Variants in BBX observed in about 807,000 individuals in gnomAD.
BBX encodes BBX high mobility group box domain containing.
Under a neutral mutation model 100.2 loss-of-function variants are expected in BBX, and 30 were observed. That is an observed-to-expected ratio of 0.30 (90% CI 0.22 to 0.41). The LOEUF is 0.41. BBX is among the 10% of genes least tolerant of loss of function. The pLI is 1.00. For missense variants in BBX, 1,023 were observed against 1,129.8 expected (o/e 0.91, Z 1.35); for synonymous variants, 376 against 388.1 (o/e 0.97, Z 0.37).
intron 2 of BBX, among the ~76,000 whole-genome samples, chr3:107,535,585 C>T (rs1440129972): frequency 2.7e-5 from 4 of 146,568 alleles, no homozygotes; most frequent in Non-Finnish European, 6.0e-5. Flanking sequence ...ATCGTTTGTG[C>T]TCTGTTCCTT....
chr3:107,749,199 G>T (rs564090154), intron 9 of BBX, among the ~76,000 whole-genome samples: 37 of 152,250 alleles, frequency 2.4e-4, no homozygotes, highest in African/African-American at 7.9e-4. Context: ...AATAAATTAA[G>T]ATTTTGTTAC....
chr3:107,652,378 A>G (rs1273075220), intron 3 of BBX, among the ~76,000 whole-genome samples: 1 of 151,952 alleles, frequency 6.6e-6, no homozygotes, highest in Admixed American at 6.5e-5. Context: ...TGTAAAATTT[A>G]CCAGTTTTTC....
Position 107,809,768 on chromosome 3 carries a change from A to G in BBX, c.*4311A>G, listed in dbSNP as rs1194518969. The stretch of plus-strand genomic sequence containing the variant: ...GTAGAAATTAAAACTTAGCTTTCCC[A>G]AATAGCTCCTTATTTTGCACCTTAT... On this transcript the variant is annotated 3_prime_UTR_variant, in exon 18 of 18. Transcript: ENST00000325805. The G allele has an allele frequency of 1.3e-5, 2 of 152,226 alleles. No homozygotes were observed. The highest frequency in any genetic ancestry group is 1.9e-4 in the East Asian group (1 of 5,200). 9.4% of individuals were successfully genotyped at this position (152,226 alleles called of 1,614,324 possible). A position where few individuals can be genotyped will look rare whatever the true frequency, so the allele number is the denominator to read the frequency against.
chr3:107,724,999 A>G (rs2062814865), intron 5 of BBX, among the ~76,000 whole-genome samples: 1 of 152,194 alleles, frequency 6.6e-6, no homozygotes, highest in Admixed American at 6.5e-5. Flanking sequence ...TACCTTGGGC[A>G]GTATGGCCAT....
intron 7 of BBX, among the ~76,000 whole-genome samples, chr3:107,738,636 A>G (rs1242541235): frequency 1.3e-5 from 2 of 152,322 alleles, no homozygotes; most frequent in Non-Finnish European, 2.9e-5. Context: ...GACTAGCTTC[A>G]GTCTTCTTGC....
At chr3:107,688,628 G>A (rs1247241877) in intron 3 of BBX, among the ~76,000 whole-genome samples, 1 of 152,138 alleles carries the variant, frequency 6.6e-6, no homozygotes, top group East Asian at 1.9e-4. Flanking sequence ...TAATGATTTG[G>A]ACCACATTTG....
At chr3:107,559,833 C>G (rs1282226535) in intron 2 of BBX, among the ~76,000 whole-genome samples, 2 of 152,122 alleles carry the variant, frequency 1.3e-5, no homozygotes, top group Admixed American at 1.3e-4. Context: ...GCCTCGACCT[C>G]CCAGGCTCAA....
intron 3 of BBX, among the ~76,000 whole-genome samples, chr3:107,673,723 T>C (rs2059139974): frequency 6.6e-6 from 1 of 152,158 alleles, no homozygotes; most frequent in Admixed American, 6.6e-5. Flanking sequence ...GAAATTTCTC[T>C]TATTCTGGAT....
intron 17 of BBX, among the ~76,000 whole-genome samples, chr3:107,804,493 A>G (rs578232339): frequency 1.3e-5 from 2 of 152,312 alleles, no homozygotes; most frequent in East Asian, 3.9e-4. Flanking sequence ...ATCTTTTTAG[A>G]ATGAGAAGCT....
chr3:107,580,554 T>C (rs760823178), intron 2 of BBX, among the ~76,000 whole-genome samples: 1 of 152,192 alleles, frequency 6.6e-6, no homozygotes, highest in Non-Finnish European at 1.5e-5. Context: ...ATTTAAATAT[T>C]TACCAAAATA....
chr3:107,789,948 C>G (rs180878628), intron 14 of BBX, 72 bp downstream of exon 14: 63 of 1,201,856 alleles, frequency 5.2e-5, no homozygotes, highest in Non-Finnish European at 6.8e-5. Flanking sequence ...GAGTAATGCT[C>G]CCATGCACTG....
chr3:107,668,979 C>T (rs149046306), intron 3 of BBX, among the ~76,000 whole-genome samples: 254 of 152,152 alleles, frequency 1.7e-3, no homozygotes, highest in Middle Eastern at 3.4e-3. Context: ...TTTTTCCCAT[C>T]CCCCTCCCAC....
At position 107,791,303 on chromosome 3, in the gene BBX, A is replaced by G. The variant is rs11927222; in HGVS notation, c.2353+4A>G. On this transcript the variant is annotated splice_donor_region_variant and intron_variant, in intron 15 of 17. Coordinates refer to ENST00000325805, the MANE Select transcript of BBX (RefSeq NM_001142568.3). ...GATGCCATTCACCCTACAGAAGGTA[A>G]GACAAGCAATGTTATTTAATTTGAG... The G allele has an allele frequency of 3.0e-3, 4,755 of 1,610,704 alleles. 141 individuals are homozygous for G. In the African/African-American group the frequency reaches 0.057, roughly 19 times the overall value.
chr3:107,623,109 G>A (rs1458183088), intron 2 of BBX, among the ~76,000 whole-genome samples: 1 of 152,130 alleles, frequency 6.6e-6, no homozygotes, highest in Non-Finnish European at 1.5e-5. Context: ...CTCCCTCTCT[G>A]CCATCGACGC....
chr3:107,738,657 G>A (rs112116969), intron 7 of BBX, among the ~76,000 whole-genome samples: 98 of 152,266 alleles, frequency 6.4e-4, no homozygotes, highest in Middle Eastern at 3.4e-3. Context: ...AGCACGCAGG[G>A]GCCTTGGTGA....
chr3:107,789,420 C>T (rs1048170127), intron 13 of BBX, among the ~76,000 whole-genome samples: 1 of 152,150 alleles, frequency 6.6e-6, no homozygotes, highest in African/African-American at 2.4e-5. Flanking sequence ...AACACATATT[C>T]CATCCTTTCC....
intron 2 of BBX, among the ~76,000 whole-genome samples, chr3:107,628,798 A>G (rs941833722): frequency 1.3e-5 from 2 of 152,098 alleles, no homozygotes; most frequent in African/African-American, 2.4e-5. Flanking sequence ...ATTGTCCTTC[A>G]CAGCTTGTTT....
At chr3:107,603,763 G>A (rs982377453) in intron 2 of BBX, among the ~76,000 whole-genome samples, 4 of 152,044 alleles carry the variant, frequency 2.6e-5, no homozygotes, top group Non-Finnish European at 5.9e-5. Flanking sequence ...CCATCAACAT[G>A]GAGGCAAGAC....
chr3:107,646,038 T>C (rs1001843368), intron 3 of BBX, 129 bp downstream of exon 3: 4 of 152,534 alleles, frequency 2.6e-5, no homozygotes, highest in Non-Finnish European at 5.9e-5. Flanking sequence ...TTTTTTCTTG[T>C]CAATTTTATT....
Sources: gnomAD v4.1 joint callset for allele counts (sites outside exome capture counted in the v4.1 genomes callset) on GRCh38, gnomAD v4.1.1 for gene constraint, MANE v1.5 for transcripts, NCBI Gene and HGNC (gene_info 2026-07-23, HGNC 2026-07-21) for gene names.